SLAMF1: variants seen among roughly 807,000 people sequenced by gnomAD.
The protein encoded by SLAMF1 is signaling lymphocytic activation molecule.
Under a neutral mutation model 35.1 loss-of-function variants are expected in SLAMF1, and 18 were observed. The observed-to-expected ratio is 0.51, with a 90% confidence interval of 0.35 to 0.76. The LOEUF is 0.76. Among genes scored for constraint, SLAMF1 ranks in the 30% least tolerant of loss-of-function variants. SLAMF1 has a pLI of 0.01. For missense variants in SLAMF1, 392 were observed against 413.0 expected, an observed-to-expected ratio of 0.95 and a Z score of 0.44; for synonymous variants, 168 against 157.2, an observed-to-expected ratio of 1.07 and a Z score of -0.51.
At chr1:160,636,350 T>C (rs1004668103) in intron 2 of SLAMF1, among the ~76,000 whole-genome samples, 1 of 152,134 alleles carries the variant, frequency 6.6e-6, no homozygotes, top group Non-Finnish European at 1.5e-5. Context: ...CCTCTAGATA[T>C]TTGAGAATTT....
intron 5 of SLAMF1, among the ~76,000 whole-genome samples, chr1:160,618,079 A>T (rs899365942): frequency 4.2e-4 from 64 of 152,268 alleles, no homozygotes; most frequent in Admixed American, 1.7e-3. Context: ...TCAAAAAACA[A>T]AAAACAAAAA....
At chr1:160,613,543 AT>A (rs1362478794) in intron 5 of SLAMF1, among the ~76,000 whole-genome samples, 1 of 152,238 alleles carries the variant, frequency 6.6e-6, no homozygotes, top group Admixed American at 6.5e-5. Flanking sequence ...GAAGTCATTA[AT>A]TCAACACATT....
rs1444588482 is a variant in SLAMF1, at chr1:160,609,447, T to C, written c.*1301A>G. The C allele has an allele frequency of 1.3e-5, 2 of 152,132 alleles. No homozygotes were observed. Among genetic ancestry groups the C allele is most frequent in the Admixed American group, 6.5e-5 (1 of 15,282 alleles). The allele number at this position is 152,132 out of a possible 1,614,324, so 9.4% of individuals were successfully genotyped here. ...AGGCTTACAATGTGAATTGACCTCA[T>C]AGAGGAGGTAAGATACAAGGCAATA... On this transcript the variant is annotated 3_prime_UTR_variant, in exon 7 of 7. Transcript: ENST00000302035.
At chr1:160,623,694 A>T (rs1222694726) in intron 4 of SLAMF1, 1 of 400,286 alleles carries the variant, frequency 2.5e-6, no homozygotes, top group African/African-American at 2.1e-5. Context: ...ATTGTGCCTT[A>T]TTGGTTTCAT....
intron 3 of SLAMF1, among the ~76,000 whole-genome samples, chr1:160,629,537 C>T: frequency 6.6e-6 from 1 of 152,092 alleles, no homozygotes. Flanking sequence ...TGGCAGTTTC[C>T]ATTCAGAACT....
chr1:160,614,727 A>G (rs1453913635), intron 5 of SLAMF1, among the ~76,000 whole-genome samples: 1 of 152,226 alleles, frequency 6.6e-6, no homozygotes, highest in Non-Finnish European at 1.5e-5. Context: ...TTTAGAAAGG[A>G]GAAAAATATG....
At chr1:160,643,785 A>G (rs150683138) in intron 1 of SLAMF1, among the ~76,000 whole-genome samples, 3 of 152,316 alleles carry the variant, frequency 2.0e-5, no homozygotes, top group Non-Finnish European at 4.4e-5. Flanking sequence ...ATTCTCTTCC[A>G]GTTATTTTGA....
In SLAMF1 at chr1:160,637,203, A is replaced by G; in HGVS notation, c.403T>C (p.Leu135=). 7.4e-6 allele frequency: 12 copies of G among 1,613,676 alleles called. No homozygotes were observed. The highest frequency in any genetic ancestry group is 1.0e-5 in the Non-Finnish European group (12 of 1,179,614). Residue 135 remains leucine (L), a synonymous_variant, in exon 2 of 7, where the codon TTG becomes CTG. Coordinates refer to ENST00000302035, the MANE Select transcript of SLAMF1 (RefSeq NM_003037.5). ...CCGCCATTATTACCATAAAGCCTCAACTGCAGGCAAAAGCGCTGAACTGAA... is the reference window on the plus strand; with the variant it reads ...CCGCCATTATTACCATAAAGCCTCAGCTGCAGGCAAAAGCGCTGAACTGAA... ...NVSVQRFCLQ[L]RLYEQVSTPE...
chr1:160,625,184 G>A (rs924514217), intron 3 of SLAMF1, among the ~76,000 whole-genome samples: 35 of 152,064 alleles, frequency 2.3e-4, no homozygotes, highest in Admixed American at 2.2e-3. Context: ...GTTATACCGG[G>A]GTAATGAACA....
intron 3 of SLAMF1, among the ~76,000 whole-genome samples, chr1:160,630,652 T>C (rs1006605023): frequency 6.6e-6 from 1 of 152,204 alleles, no homozygotes; most frequent in East Asian, 1.9e-4. Flanking sequence ...TCCCATCATT[T>C]TGATGGATGA....
chr1:160,638,759 C>T (rs751777148), intron 1 of SLAMF1, among the ~76,000 whole-genome samples: 13 of 152,188 alleles, frequency 8.5e-5, no homozygotes, highest in Non-Finnish European at 1.8e-4. Context: ...TCTTATCTTA[C>T]TTGCTTTCTC....
intron 5 of SLAMF1, among the ~76,000 whole-genome samples, chr1:160,617,552 G>A (rs1349379126): frequency 1.3e-5 from 2 of 152,034 alleles, no homozygotes; most frequent in Non-Finnish European, 2.9e-5. Flanking sequence ...AGATAATACT[G>A]AGCAAAATAA....
chr1:160,640,897 T>C (rs986422765), intron 1 of SLAMF1, among the ~76,000 whole-genome samples: 4 of 152,184 alleles, frequency 2.6e-5, no homozygotes, highest in Non-Finnish European at 2.9e-5. Flanking sequence ...ATTATAGTTA[T>C]TGTGGTGGTG....
chr1:160,641,638 AATG>A (rs1660751360), intron 1 of SLAMF1, among the ~76,000 whole-genome samples: 1 of 152,008 alleles, frequency 6.6e-6, no homozygotes, highest in Non-Finnish European at 1.5e-5. Context: ...CCACATAAAG[AATG>A]ATGACGCAAT....
intron 3 of SLAMF1, among the ~76,000 whole-genome samples, chr1:160,625,694 A>C (rs1344086033): frequency 6.6e-6 from 1 of 152,176 alleles, no homozygotes; most frequent in Non-Finnish European, 1.5e-5. Context: ...TGATTAAAAA[A>C]AAAAGTTAGG....
intron 2 of SLAMF1, among the ~76,000 whole-genome samples, chr1:160,635,753 G>C (rs1000306251): frequency 9.7e-6 from 1 of 103,260 alleles, no homozygotes; most frequent in African/African-American, 3.6e-5. Context: ...TTTTTTTTTT[G>C]TATTTTTAGT....
chr1:160,621,090 T>C (rs145974534), intron 4 of SLAMF1, among the ~76,000 whole-genome samples: 1 of 152,194 alleles, frequency 6.6e-6, no homozygotes, highest in African/African-American at 2.4e-5. Flanking sequence ...CTTTCTAAAG[T>C]TGCACAGTAT....
At chr1:160,639,320 G>T (rs2102353760) in intron 1 of SLAMF1, among the ~76,000 whole-genome samples, 1 of 152,096 alleles carries the variant, frequency 6.6e-6, no homozygotes, top group African/African-American at 2.4e-5. Flanking sequence ...CTGCCTCCCG[G>T]GCTCAAGCAA....
At chr1:160,640,325 C>CATATATATATATATATATATATAT (rs56785818) in intron 1 of SLAMF1, among the ~76,000 whole-genome samples, 1 of 94,158 alleles carries the variant, frequency 1.1e-5, no homozygotes. Context: ...TTAGGTTTGT[C>CATATATATATATATATATATATAT]ATATATATAT....
Sources: gnomAD v4.1 joint callset for allele counts (sites outside exome capture counted in the v4.1 genomes callset) on GRCh38, gnomAD v4.1.1 for gene constraint, MANE v1.5 for transcripts, NCBI Gene and HGNC (gene_info 2026-07-23, HGNC 2026-07-21) for gene names.